Variants in ACACA observed in about 807,000 individuals in gnomAD.
ACACA encodes the protein acetyl-CoA carboxylase alpha.
Under a neutral mutation model 296.1 loss-of-function variants are expected in ACACA, and 103 were observed. The observed-to-expected ratio is 0.35, with a 90% CI of 0.30 to 0.41. The LOEUF (loss-of-function observed/expected upper bound fraction) is 0.41. Among genes scored for constraint, ACACA ranks in the 10% least tolerant of loss-of-function variants. The probability of loss-of-function intolerance (pLI) is 1.00; values close to 1 mark genes in which losing one functional copy is unlikely to be tolerated. For synonymous variants in ACACA, 953 were observed against 1,038.6 expected, an observed-to-expected ratio of 0.92 and a Z score of 1.58; for missense variants, 1,554 against 2,989.7, an observed-to-expected ratio of 0.52 and a Z score of 11.20.
Position 37,275,379 on chromosome 17 carries a change from C to T in ACACA, c.901+572G>A, listed in dbSNP as rs1317483512. On this transcript the variant is annotated intron_variant, in intron 8 of 55. Coordinates refer to ENST00000616317, the MANE Select transcript of ACACA (RefSeq NM_198834.3). ...GGGTGTGGTGGCGGGTGCCTGTAAT[C>T]CCAGCTACTCGGGAGGCTGAGGCAG... Among the ~76,000 whole-genome samples the T allele has an allele frequency of 5.3e-5, 8 of 151,728 alleles. No individual in the cohort carries two copies. The South Asian group carries it at 1.2e-3, about 24-fold the overall frequency.
At chr17:37,297,951 TCA>T (rs898355633) in intron 3 of ACACA, among the ~76,000 whole-genome samples, 3 of 152,064 alleles carry the variant, frequency 2.0e-5, no homozygotes, top group Non-Finnish European at 1.5e-5. Flanking sequence ...TATATATATC[TCA>T]GTTACTTTGG....
intron 35 of ACACA, among the ~76,000 whole-genome samples, chr17:37,196,014 A>G (rs946763197): frequency 6.6e-6 from 1 of 152,142 alleles, no homozygotes; most frequent in South Asian, 2.1e-4. Flanking sequence ...ACCATCATCA[A>G]GACAATCAAA....
intron 35 of ACACA, among the ~76,000 whole-genome samples, chr17:37,194,505 C>T (rs1234432335): frequency 2.6e-5 from 4 of 152,154 alleles, no homozygotes; most frequent in African/African-American, 4.8e-5. Context: ...TCTCTAGTGC[C>T]AGAGCCCATG....
chr17:37,181,294 T>C lies in ACACA; in HGVS notation c.4839A>G (p.Pro1613=), dbSNP rs772396327. The C allele has an allele frequency of 8.7e-6, 14 of 1,613,840 alleles. No homozygotes were observed. The East Asian group carries it at 2.5e-4, about 28-fold the overall frequency. Residue 1613 remains proline, a synonymous_variant, in exon 40 of 56, where the codon CCA becomes CCG. Transcript: ENST00000616317. The part of the protein sequence containing the change: ...GPLHGMLINT[P]YVTKDLLQSK... ...ATTGCAGCAGGTCTTTGGTCACATA[T>C]GGAGTATTGATTAACATTCCATGCA...
intron 7 of ACACA, among the ~76,000 whole-genome samples, chr17:37,276,340 T>C (rs1401610597): frequency 5.3e-5 from 8 of 152,230 alleles, no homozygotes; most frequent in Admixed American, 2.6e-4. Flanking sequence ...TTCTTCATGA[T>C]CCAACTTCAC....
intron 1 of ACACA, among the ~76,000 whole-genome samples, chr17:37,373,256 CTT>C (rs55668294): frequency 6.7e-6 from 1 of 149,344 alleles, no homozygotes; most frequent in Non-Finnish European, 1.5e-5. Context: ...TGCAGGCTGA[CTT>C]TTTTTTTTAA....
chr17:37,193,260 G>T, intron 36 of ACACA, 114 bp downstream of exon 36: 1 of 798,142 alleles, frequency 1.3e-6, no homozygotes, highest in Non-Finnish European at 2.1e-6. Flanking sequence ...GGAAGCACAA[G>T]TTCAATAAGA....
At chr17:37,270,943 G>T in intron 9 of ACACA, 82 bp from the exon 10 acceptor site, 1 of 949,754 alleles carries the variant, frequency 1.1e-6, no homozygotes, top group Non-Finnish European at 1.7e-6. Flanking sequence ...CTCCCTTTAA[G>T]AATGCAGTCA....
intron 45 of ACACA, among the ~76,000 whole-genome samples, chr17:37,131,437 C>G (rs556499518): frequency 6.6e-6 from 1 of 152,010 alleles, no homozygotes; most frequent in Non-Finnish European, 1.5e-5. Flanking sequence ...TAAGGTAGCC[C>G]CGGAGAGCTC....
chr17:37,200,375 T>C lies in ACACA; in HGVS notation c.4113+52A>G, dbSNP rs1175316621. ...AGATTACAATCCCATTTTTATTAAG[T>C]TGTAGCAGCAGCATAAGAAATATTA... On this transcript the variant is annotated intron_variant, in intron 34 of 55. Coordinates refer to ENST00000616317, the MANE Select transcript of ACACA (RefSeq NM_198834.3). 4 of 1,517,552 alleles carry C rather than the reference T, an allele frequency of 2.6e-6. No homozygotes were observed. In the African/African-American group the frequency reaches 5.5e-5, roughly 21 times the overall value. 94.0% of individuals were successfully genotyped at this position (1,517,552 alleles called of 1,614,324 possible). A position where few individuals can be genotyped will look rare whatever the true frequency, so the allele number is the denominator to read the frequency against.
intron 35 of ACACA, among the ~76,000 whole-genome samples, chr17:37,196,370 CA>C (rs2077997581): frequency 6.6e-6 from 1 of 151,728 alleles, no homozygotes; most frequent in South Asian, 2.1e-4. Context: ...TAATCCAAAA[CA>C]TTTCATTTTA....
chr17:37,122,423 G>T, intron 49 of ACACA, 108 bp downstream of exon 49: 1 of 906,564 alleles, frequency 1.1e-6, no homozygotes, highest in Non-Finnish European at 1.9e-6. Flanking sequence ...GGCTGCTGAT[G>T]CCCTTCCCTC....
In ACACA at chr17:37,396,178, A is replaced by G. The variant is rs548583478; in HGVS notation, c.38+10084T>C. On this transcript the variant is annotated intron_variant, in intron 1 of 55. Coordinates refer to ENST00000616317, the MANE Select transcript of ACACA (RefSeq NM_198834.3). ...AAGATGGTGAAACCCTGTCTCTACT[A>G]AAAGTACAAAAATTAGCTGGGTGTG... Among the ~76,000 whole-genome samples the G allele has an allele frequency of 1.6e-3, 237 of 152,004 alleles. 1 individual carries two copies. Among genetic ancestry groups the G allele is most frequent in the African/African-American group, 5.5e-3 (227 of 41,474 alleles).
At chr17:37,348,097 C>G (rs1421797684) in intron 1 of ACACA, among the ~76,000 whole-genome samples, 1 of 150,918 alleles carries the variant, frequency 6.6e-6, no homozygotes, top group African/African-American at 2.4e-5. Flanking sequence ...TGCTTGAACC[C>G]GGGAGGCAGA....
intron 45 of ACACA, among the ~76,000 whole-genome samples, chr17:37,141,660 TA>T (rs1267574659): frequency 6.6e-6 from 1 of 152,130 alleles, no homozygotes; most frequent in Non-Finnish European, 1.5e-5. Context: ...GCTTACCTAG[TA>T]AATGTCAGGG....
At position 37,099,580 on chromosome 17, in the gene ACACA, G is replaced by A. The variant is rs1158128699; in HGVS notation, c.6566-1596C>T. Reference sequence around the variant, plus strand: ...ATGGCAGGAGGGCTGATGGCGGGAGGGCTGATGGCAGGAGGGCTGATGGCG... The same window carrying A: ...ATGGCAGGAGGGCTGATGGCGGGAGAGCTGATGGCAGGAGGGCTGATGGCG... On this transcript the variant is annotated intron_variant, in intron 52 of 55. Coordinates refer to ENST00000616317, the MANE Select transcript of ACACA (RefSeq NM_198834.3). Among the ~76,000 whole-genome samples the A allele has an allele frequency of 2.0e-5, 3 of 148,692 alleles. No individual in the cohort carries two copies. In the East Asian group the frequency reaches 6.1e-4, roughly 30 times the overall value.
intron 3 of ACACA, among the ~76,000 whole-genome samples, chr17:37,300,494 A>T (rs760650448): frequency 1.2e-4 from 18 of 152,150 alleles, no homozygotes; most frequent in Admixed American, 7.9e-4. Flanking sequence ...GAACCATAAA[A>T]AATTTATTCC....
intron 41 of ACACA, among the ~76,000 whole-genome samples, chr17:37,170,506 C>T (rs984223450): frequency 6.6e-6 from 1 of 152,096 alleles, no homozygotes; most frequent in African/African-American, 2.4e-5. Context: ...TCACAACCTC[C>T]GATCAGAGGT....
In ACACA at chr17:37,363,258, C is replaced by CT. The variant is rs538148963; in HGVS notation, c.39-23409dup. ...AGTGCAGTGGCACGATCTCGGCTCA[C>CT]TGCAACCTCCACCTCCCGGGTTCAA... is the stretch of plus-strand genomic sequence containing the variant. On this transcript the variant is annotated intron_variant, in intron 1 of 55. Transcript: ENST00000616317. Among the ~76,000 whole-genome samples, 118 of 139,260 alleles carry CT rather than the reference C, an allele frequency of 8.5e-4. 2 individuals are homozygous for CT. The highest frequency in any genetic ancestry group is 9.1e-5 in the Non-Finnish European group (6 of 66,048). The allele number at this position is 139,260 out of a possible 152,430, so 91.4% of individuals were successfully genotyped here. A position where few individuals can be genotyped will look rare whatever the true frequency, so the allele number is the denominator to read the frequency against.
Sources: allele counts gnomAD v4.1 joint callset (sites outside exome capture counted in the v4.1 genomes callset), GRCh38; gene constraint gnomAD v4.1.1; transcripts MANE v1.5; gene names NCBI Gene and HGNC (gene_info 2026-07-23, HGNC 2026-07-21).